The following PKD2 variants were observed in gnomAD, a reference collection of about 807,000 sequenced individuals.
PKD2 encodes the protein polycystin-2.
In PKD2, 48 loss-of-function variants were observed where a neutral mutation model predicts 105.9. That is an observed-to-expected ratio of 0.45 (90% CI 0.36 to 0.58). PKD2 has a LOEUF of 0.58. Ranked by LOEUF, PKD2 falls within the 20% of genes least tolerant of loss-of-function variation. The pLI is 0.00. For synonymous variants in PKD2, 464 were observed against 481.1 expected, an observed-to-expected ratio of 0.96 and a Z score of 0.46; for missense variants, 1,078 against 1,255.3, an observed-to-expected ratio of 0.86 and a Z score of 2.13.
rs1408719904 is a variant in PKD2 at position 88,045,060 on chromosome 4, A to G, written c.1320-1582A>G. ...ATAAAAACAGAGAGGCAACTCTGAT[A>G]TTTTAGTAAATTCTATTTATAGAAG... On this transcript the variant is annotated intron_variant, in intron 5 of 14. Coordinates refer to ENST00000237596, the MANE Select transcript of PKD2 (RefSeq NM_000297.4). 2.0e-5 allele frequency among the ~76,000 whole-genome samples: 3 copies of G among 152,262 alleles called. No individual in the cohort carries two copies. In the East Asian group the frequency reaches 5.8e-4, roughly 29 times the overall value.
At chr4:88,027,751 C>T (rs1389236805) in intron 2 of PKD2, among the ~76,000 whole-genome samples, 3 of 151,692 alleles carry the variant, frequency 2.0e-5, no homozygotes, top group African/African-American at 7.3e-5. Flanking sequence ...GTGACTGAAT[C>T]ATAGGGGCAG....
At chr4:88,062,555 T>C (rs965190181) in intron 10 of PKD2, among the ~76,000 whole-genome samples, 2 of 152,248 alleles carry the variant, frequency 1.3e-5, no homozygotes, top group African/African-American at 2.4e-5. Context: ...AGGAAGGGTT[T>C]CATTGTTAAA....
At position 88,058,072 on chromosome 4, in the gene PKD2, C is replaced by A; in HGVS notation, c.1988C>A (p.Thr663Lys). The change falls in exon 9 of 15, where the codon ACA becomes AAA. Residue 663 changes from threonine to lysine, a missense_variant. Physicochemically the swap from Thr to Lys is moderately conservative, Grantham distance 78. Around this residue, in one of 2 missense-constraint regions of PKD2, gnomAD observed 868 missense variants for 1,067.3 expected, o/e 0.81. Transcript: ENST00000237596. ...GTTTTGGGACCAATTTATTTCACTACATTTGTGTTCTTTATGTTCTTCATT... is the reference window on the plus strand; with the variant it reads ...GTTTTGGGACCAATTTATTTCACTAAATTTGTGTTCTTTATGTTCTTCATT... The part of the protein sequence containing the change: ...NRVLGPIYFT[T>K]FVFFMFFILL... The A allele has an allele frequency of 6.5e-7, 1 of 1,547,646 alleles. No individual in the cohort carries two copies. Among genetic ancestry groups the A allele is most frequent in the Non-Finnish European group, 8.9e-7 (1 of 1,119,648 alleles).
intron 4 of PKD2, among the ~76,000 whole-genome samples, chr4:88,039,231 G>A (rs1046041029): frequency 6.6e-6 from 1 of 152,082 alleles, no homozygotes; most frequent in African/African-American, 2.4e-5. Context: ...GTTCATCTAG[G>A]TTCTTTTCTT....
intron 2 of PKD2, among the ~76,000 whole-genome samples, chr4:88,029,604 G>A (rs777707167): frequency 6.6e-5 from 10 of 151,472 alleles, no homozygotes; most frequent in Non-Finnish European, 1.0e-4. Context: ...TTCCTATATC[G>A]CTCTTGTCCC....
rs768940917 is a variant in PKD2, at chr4:88,056,278, A to G, written c.1898+11A>G. 9 of 1,578,352 alleles carry G rather than the reference A, an allele frequency of 5.7e-6. No individual in the cohort carries two copies. The highest frequency in any genetic ancestry group is 7.8e-6 in the Non-Finnish European group (9 of 1,151,678). On this transcript the variant is annotated intron_variant, in intron 8 of 14. Coordinates refer to ENST00000237596, the MANE Select transcript of PKD2 (RefSeq NM_000297.4). ...TTTCCAAGAGTGTATGTAAGTATAT[A>G]TGAAATTAAGAAGAAAAATTTAATC...
intron 14 of PKD2, 132 bp from the exon 15 acceptor site, chr4:88,075,326 C>T: frequency 1.2e-6 from 1 of 820,464 alleles, no homozygotes; most frequent in South Asian, 1.3e-5. Context: ...AAAATTACTC[C>T]AGCAACTCTG....
At chr4:88,064,586 T>A (rs1420953619) in intron 10 of PKD2, among the ~76,000 whole-genome samples, 1 of 152,162 alleles carries the variant, frequency 6.6e-6, no homozygotes, top group African/African-American at 2.4e-5. Flanking sequence ...AGGTCAGGTC[T>A]AAAGTTCGCT....
intron 13 of PKD2, among the ~76,000 whole-genome samples, chr4:88,068,949 A>G (rs1375060147): frequency 6.6e-6 from 1 of 152,192 alleles, no homozygotes; most frequent in Non-Finnish European, 1.5e-5. Context: ...ATTTATAACT[A>G]GTATATTTTC....
chr4:88,075,267 A>G (rs550260130), intron 14 of PKD2, among the ~76,000 whole-genome samples, 191 bp from the exon 15 acceptor site: 1 of 152,250 alleles, frequency 6.6e-6, no homozygotes, highest in Non-Finnish European at 1.5e-5. Context: ...CTTTCTTAAT[A>G]CTCCATATGC....
rs560008566 is a variant in PKD2 at position 88,041,981 on chromosome 4, T to C, written c.1095-1252T>C. ...CCCTGTTGTGTGCCTCTTAGAACTT[T>C]CCCTTCACAGACTCCTTCATGTTTG... On this transcript the variant is annotated intron_variant, in intron 4 of 14. Coordinates refer to ENST00000237596, the MANE Select transcript of PKD2 (RefSeq NM_000297.4). 1.1e-4 allele frequency among the ~76,000 whole-genome samples: 17 copies of C among 152,308 alleles called. No homozygotes were observed. The East Asian group carries it at 2.9e-3, about 26-fold the overall frequency.
intron 2 of PKD2, among the ~76,000 whole-genome samples, chr4:88,024,602 A>T (rs1726888578): frequency 6.6e-6 from 1 of 152,086 alleles, no homozygotes; most frequent in African/African-American, 2.4e-5. Flanking sequence ...TCATTCTATA[A>T]AATTGAGTAA....
At chr4:88,012,973 A>T (rs1578114529) in intron 1 of PKD2, among the ~76,000 whole-genome samples, 1 of 152,178 alleles carries the variant, frequency 6.6e-6, no homozygotes, top group Non-Finnish European at 1.5e-5. Context: ...ATTTCATCAT[A>T]AAAAGGAAGT....
At chr4:88,051,709 A>G (rs1720107463) in intron 6 of PKD2, among the ~76,000 whole-genome samples, 5 of 152,234 alleles carry the variant, frequency 3.3e-5, no homozygotes, top group South Asian at 2.1e-4. Flanking sequence ...CTGTGTATGC[A>G]TGTATGTGTG....
At chr4:88,050,978 G>A (rs1490172132) in intron 6 of PKD2, among the ~76,000 whole-genome samples, 2 of 152,204 alleles carry the variant, frequency 1.3e-5, no homozygotes, top group Non-Finnish European at 2.9e-5. Context: ...TAAGAAGAGA[G>A]AATGGACAGC....
At chr4:88,053,616 C>T (rs561677699) in intron 7 of PKD2, among the ~76,000 whole-genome samples, 15 of 150,574 alleles carry the variant, frequency 1.0e-4, no homozygotes, top group African/African-American at 2.7e-4. Context: ...AAGATCGCAC[C>T]GCTGCACTCC....
chr4:88,072,738 C>A lies in PKD2; in HGVS notation c.2523-2074C>A, dbSNP rs540407919. On this transcript the variant is annotated intron_variant, in intron 13 of 14. Coordinates refer to ENST00000237596, the MANE Select transcript of PKD2 (RefSeq NM_000297.4). ...ACAGGATTAGAACCTCTGCAACATG[C>A]ATTTAAGAATGGGAACAGGCTGGGC... 5.9e-5 allele frequency among the ~76,000 whole-genome samples: 9 copies of A among 152,274 alleles called. No individual in the cohort carries two copies. In the South Asian group the frequency reaches 1.7e-3, roughly 28 times the overall value.
At position 88,018,544 on chromosome 4, in the gene PKD2, C is replaced by CT. The variant is rs201006387; in HGVS notation, c.596-908dup. The stretch of plus-strand genomic sequence containing the variant: ...TAACTGAAAGGATTGAGAGGTTTGT[C>CT]TTTTTTGGAAAGTGTTAAGGTTCTT... On this transcript the variant is annotated intron_variant, in intron 1 of 14. Coordinates refer to ENST00000237596, the MANE Select transcript of PKD2 (RefSeq NM_000297.4). Among the ~76,000 whole-genome samples, 908 of 152,210 alleles carry CT rather than the reference C, an allele frequency of 6.0e-3. 13 individuals are homozygous for CT. The highest frequency in any genetic ancestry group is 0.02 in the African/African-American group (850 of 41,520).
intron 1 of PKD2, among the ~76,000 whole-genome samples, chr4:88,018,955 T>C (rs1426309042): frequency 6.6e-6 from 1 of 152,234 alleles, no homozygotes; most frequent in Non-Finnish European, 1.5e-5. Flanking sequence ...GCATAACATG[T>C]TTCTATATTG....
Sources: allele counts gnomAD v4.1 joint callset (sites outside exome capture counted in the v4.1 genomes callset), GRCh38; gene constraint gnomAD v4.1.1; regional missense constraint gnomAD v4.1.1; transcripts MANE v1.5; gene names NCBI Gene and HGNC (gene_info 2026-07-23, HGNC 2026-07-21).